Variants in SEMA3A observed in about 807,000 individuals in gnomAD.
The protein encoded by SEMA3A is semaphorin 3A, also known as semaphorin-3A.
Under a neutral mutation model 97.9 loss-of-function variants are expected in SEMA3A, and 29 were observed. The observed-to-expected ratio is 0.30, with a 90% CI of 0.22 to 0.40. The LOEUF (loss-of-function observed/expected upper bound fraction) is 0.40. Ranked by LOEUF, SEMA3A falls within the 10% of genes least tolerant of loss-of-function variation. The pLI is 1.00. For missense variants in SEMA3A, 763 were observed against 951.3 expected (o/e 0.80, Z 2.60); for synonymous variants, 321 against 323.7 (o/e 0.99, Z 0.09).
chr7:84,166,699 C>G (rs1162398029), intron 1 of SEMA3A, among the ~76,000 whole-genome samples: 1 of 151,202 alleles, frequency 6.6e-6, no homozygotes, highest in Non-Finnish European at 1.5e-5. Flanking sequence ...GGTGAAACCC[C>G]GTCTCTACTA....
chr7:84,445,339 C>CA (rs2116350375), intron 1 of SEMA3A, among the ~76,000 whole-genome samples: 1 of 150,020 alleles, frequency 6.7e-6, no homozygotes, highest in African/African-American at 2.4e-5. Context: ...AAAAATACAA[C>CA]AAAAATTAGC....
chr7:84,240,174 G>A (rs1799324943), intron 3 of SEMA3A, among the ~76,000 whole-genome samples: 1 of 152,076 alleles, frequency 6.6e-6, no homozygotes, highest in Non-Finnish European at 1.5e-5. Flanking sequence ...ATGGGAGAGA[G>A]ATTTATAAGA....
intron 3 of SEMA3A, among the ~76,000 whole-genome samples, chr7:84,291,893 A>G (rs1800756629): frequency 6.6e-6 from 1 of 152,108 alleles, no homozygotes; most frequent in Non-Finnish European, 1.5e-5. Flanking sequence ...AGAAATATCA[A>G]GCAAAACCCA....
chr7:84,414,838 CAAAT>C (rs1257976291), intron 1 of SEMA3A, among the ~76,000 whole-genome samples: 1 of 151,876 alleles, frequency 6.6e-6, no homozygotes, highest in Non-Finnish European at 1.5e-5. Flanking sequence ...TCAAAATAAT[CAAAT>C]AAATAAACGA....
rs75474660 is a variant in SEMA3A, at chr7:84,155,335, A to G, written c.113-20384T>C. Among the ~76,000 whole-genome samples, 2,976 of 151,940 alleles carry G rather than the reference A, an allele frequency of 0.02. 257 individuals are homozygous for G. The East Asian group carries it at 0.25, about 13-fold the overall frequency. On this transcript the variant is annotated intron_variant, in intron 1 of 16. Coordinates refer to ENST00000265362, the MANE Select transcript of SEMA3A (RefSeq NM_006080.3). ...TTTCATATTTTTAAAAATTACTCCA[A>G]CTCTCTGGGAGAGTTGTCGTCTATT...
At chr7:84,024,007 G>A (rs889541912) in intron 6 of SEMA3A, among the ~76,000 whole-genome samples, 9 of 102,510 alleles carry the variant, frequency 8.8e-5, no homozygotes, top group Non-Finnish European at 1.3e-4. Context: ...GCGAGACTCC[G>A]TCTCAAAAAA....
At chr7:84,264,205 AG>A (rs761430383) in intron 3 of SEMA3A, among the ~76,000 whole-genome samples, 51 of 152,186 alleles carry the variant, frequency 3.4e-4, no homozygotes, top group Non-Finnish European at 6.2e-4. Flanking sequence ...AATCTTTCTC[AG>A]CTATTTGCAT....
At position 84,292,784 on chromosome 7, in the gene SEMA3A, G is replaced by C. The variant is rs185698072; in HGVS notation, c.-83+14423C>G. Among the ~76,000 whole-genome samples the C allele has an allele frequency of 3.3e-5, 5 of 152,100 alleles. No individual in the cohort carries two copies. The East Asian group carries it at 9.7e-4, about 29-fold the overall frequency. ...GTGATGCTGACTTGCATTTCTATTA[G>C]AAATTATATTTTATTTTACATTTCA... On this transcript the variant is annotated intron_variant, in intron 3 of 3. Transcript: ENST00000424555.
At chr7:84,427,524 G>T (rs984076313) in intron 1 of SEMA3A, among the ~76,000 whole-genome samples, 18 of 151,650 alleles carry the variant, frequency 1.2e-4, no homozygotes, top group African/African-American at 4.4e-4. Context: ...GGAGGAGCCT[G>T]TAGTCCCAGC....
chr7:84,230,639 A>G (rs915243153), intron 3 of SEMA3A, among the ~76,000 whole-genome samples: 1 of 151,746 alleles, frequency 6.6e-6, no homozygotes, highest in African/African-American at 2.4e-5. Flanking sequence ...CTACTGTCTA[A>G]CCATGTCTTG....
At chr7:84,295,490 C>T (rs190385368) in intron 3 of SEMA3A, among the ~76,000 whole-genome samples, 61 of 152,094 alleles carry the variant, frequency 4.0e-4, no homozygotes, top group African/African-American at 1.3e-3. Flanking sequence ...AAACTGTCTT[C>T]GCAGGTCTCA....
chr7:84,414,558 C>A (rs748906271), intron 1 of SEMA3A, among the ~76,000 whole-genome samples: 1 of 152,036 alleles, frequency 6.6e-6, no homozygotes, highest in South Asian at 2.1e-4. Context: ...CACAAATGGT[C>A]ATTATGTGAT....
chr7:84,227,681 G>T (rs1416995091), intron 3 of SEMA3A, among the ~76,000 whole-genome samples: 1 of 152,036 alleles, frequency 6.6e-6, no homozygotes, highest in East Asian at 1.9e-4. Flanking sequence ...TGGTGAGATT[G>T]GAGGTGTATT....
At chr7:84,061,965 C>A (rs1430801409) in intron 4 of SEMA3A, among the ~76,000 whole-genome samples, 4 of 152,162 alleles carry the variant, frequency 2.6e-5, no homozygotes, top group Non-Finnish European at 5.9e-5. Context: ...GAGCCAGGCA[C>A]CAGGCTTAGC....
chr7:84,375,140 C>T (rs978000006), intron 1 of SEMA3A, among the ~76,000 whole-genome samples: 1 of 152,134 alleles, frequency 6.6e-6, no homozygotes, highest in Non-Finnish European at 1.5e-5. Context: ...CTGCCTCAGC[C>T]TCCTGAGTAG....
chr7:84,077,775 C>A (rs919099073), intron 4 of SEMA3A, among the ~76,000 whole-genome samples: 5 of 151,510 alleles, frequency 3.3e-5, no homozygotes, highest in Admixed American at 3.3e-4. Flanking sequence ...TTGGAGGATC[C>A]TTAAAAATGT....
intron 2 of SEMA3A, among the ~76,000 whole-genome samples, chr7:84,338,148 AAT>A (rs1308452685): frequency 6.6e-6 from 1 of 151,174 alleles, no homozygotes; most frequent in East Asian, 2.0e-4. Flanking sequence ...TATATAATAA[AAT>A]ATGTGTATAT....
At chr7:84,387,342 T>A (rs1228878) in intron 1 of SEMA3A, among the ~76,000 whole-genome samples, 26,923 of 152,140 alleles carry the variant, frequency 0.18, 2,523 homozygotes, top group Middle Eastern at 0.22. Flanking sequence ...TCAAATTTAA[T>A]TGGGTTTCCT....
chr7:84,310,000 A>C (rs765693237), intron 2 of SEMA3A, among the ~76,000 whole-genome samples: 1 of 152,190 alleles, frequency 6.6e-6, no homozygotes, highest in Non-Finnish European at 1.5e-5. Flanking sequence ...ATAAAATACA[A>C]TTCCTATTTT....
Sources: allele counts gnomAD v4.1 joint callset (sites outside exome capture counted in the v4.1 genomes callset), GRCh38; gene constraint gnomAD v4.1.1; transcripts MANE v1.5; gene names NCBI Gene and HGNC (gene_info 2026-07-23, HGNC 2026-07-21).